The following FBXL17 variants were observed in gnomAD, a reference collection of about 807,000 sequenced individuals.
FBXL17 encodes F-box/LRR-repeat protein 17.
Under a neutral mutation model 66.2 loss-of-function variants are expected in FBXL17, and 22 were observed. The observed-to-expected ratio is 0.33, with a 90% confidence interval of 0.24 to 0.47. FBXL17 has a LOEUF of 0.47. Among genes scored for constraint, FBXL17 ranks in the 20% least tolerant of loss-of-function variants. The pLI is 1.00. For synonymous variants in FBXL17, 474 were observed against 400.5 expected, an observed-to-expected ratio of 1.18 and a Z score of -2.19; for missense variants, 878 against 948.2, an observed-to-expected ratio of 0.93 and a Z score of 0.97.
chr5:107,878,851 G>A, intron 8 of FBXL17: 1 of 985,504 alleles, frequency 1.0e-6, no homozygotes, highest in Middle Eastern at 5.2e-4. Flanking sequence ...GCAAGGCTGG[G>A]TCCAGCATCT....
intron 6 of FBXL17, among the ~76,000 whole-genome samples, chr5:108,129,360 A>C (rs1439066764): frequency 6.6e-6 from 1 of 152,078 alleles, no homozygotes; most frequent in Non-Finnish European, 1.5e-5. Context: ...ATGCATCTTC[A>C]AGCAGGGTTG....
chr5:107,870,638 T>C (rs1580668155), intron 8 of FBXL17, among the ~76,000 whole-genome samples: 1 of 150,434 alleles, frequency 6.6e-6, no homozygotes, highest in South Asian at 2.1e-4. Context: ...CAGGCTGGAG[T>C]GCAGCAGCTC....
At chr5:107,979,229 A>C (rs1246216518) in intron 7 of FBXL17, among the ~76,000 whole-genome samples, 2 of 152,216 alleles carry the variant, frequency 1.3e-5, no homozygotes, top group African/African-American at 4.8e-5. Context: ...ATACTGAAAC[A>C]ATTCCCACAG....
intron 7 of FBXL17, among the ~76,000 whole-genome samples, chr5:107,959,492 G>A (rs1402650622): frequency 6.6e-6 from 1 of 151,282 alleles, no homozygotes; most frequent in African/African-American, 2.4e-5. Flanking sequence ...CCTTCGCCTG[G>A]TTCTAATCAA....
intron 3 of FBXL17, among the ~76,000 whole-genome samples, chr5:108,356,609 A>C (rs1268166857): frequency 6.6e-6 from 1 of 152,124 alleles, no homozygotes; most frequent in East Asian, 1.9e-4. Flanking sequence ...GGAATCATAA[A>C]CATTCCAGAA....
At chr5:108,070,879 T>C (rs1748305627) in intron 6 of FBXL17, among the ~76,000 whole-genome samples, 1 of 152,208 alleles carries the variant, frequency 6.6e-6, no homozygotes, top group Non-Finnish European at 1.5e-5. Context: ...AATTTTAATT[T>C]GCAGCAGGAT....
chr5:108,075,043 G>T (rs538224249), intron 6 of FBXL17, among the ~76,000 whole-genome samples: 2 of 152,296 alleles, frequency 1.3e-5, no homozygotes, highest in African/African-American at 2.4e-5. Context: ...AGGATTCCGT[G>T]TAAAAGTGAA....
At chr5:108,380,143 C>T (rs7737226) in intron 1 of FBXL17, among the ~76,000 whole-genome samples, 10,309 of 152,090 alleles carry the variant, frequency 0.068, 1,199 homozygotes, top group African/African-American at 0.24. Context: ...GCCCACAGCA[C>T]GGAGAAATCA....
At chr5:108,092,465 G>C (rs1327281742) in intron 6 of FBXL17, among the ~76,000 whole-genome samples, 1 of 151,924 alleles carries the variant, frequency 6.6e-6, no homozygotes, top group Non-Finnish European at 1.5e-5. Flanking sequence ...ACAGGTACTT[G>C]CCACCACACC....
chr5:107,970,241 T>C (rs1297995820), intron 7 of FBXL17, among the ~76,000 whole-genome samples: 1 of 152,148 alleles, frequency 6.6e-6, no homozygotes, highest in Non-Finnish European at 1.5e-5. Flanking sequence ...TGGTTCTCTT[T>C]GTTACCAAAC....
intron 4 of FBXL17, among the ~76,000 whole-genome samples, chr5:108,227,616 G>C (rs1231053298): frequency 6.6e-6 from 1 of 152,122 alleles, no homozygotes; most frequent in Non-Finnish European, 1.5e-5. Flanking sequence ...ACAGATATTG[G>C]AAGAAAGAAG....
intron 7 of FBXL17, among the ~76,000 whole-genome samples, chr5:107,970,677 T>C (rs11242655): frequency 0.4 from 60,120 of 151,974 alleles, 12,144 homozygotes; most frequent in South Asian, 0.49. Flanking sequence ...TTTCCTGTGA[T>C]TTTTCCTTTG....
intron 6 of FBXL17, among the ~76,000 whole-genome samples, chr5:108,145,597 C>G (rs1341931734): frequency 1.3e-5 from 2 of 152,066 alleles, no homozygotes; most frequent in Non-Finnish European, 2.9e-5. Flanking sequence ...ATGGGGAAGT[C>G]AGGGATATGA....
chr5:108,057,896 C>G (rs1231626645), intron 6 of FBXL17, among the ~76,000 whole-genome samples: 1 of 152,158 alleles, frequency 6.6e-6, no homozygotes. Context: ...AATTACACAT[C>G]TGTTATTTCA....
intron 7 of FBXL17, among the ~76,000 whole-genome samples, chr5:107,896,370 T>C (rs993394480): frequency 1.3e-5 from 2 of 152,142 alleles, no homozygotes; most frequent in African/African-American, 4.8e-5. Flanking sequence ...TCACTTTCAG[T>C]GTGGCAGGAG....
chr5:108,071,473 T>A (rs1393147704), intron 6 of FBXL17, among the ~76,000 whole-genome samples: 1 of 152,210 alleles, frequency 6.6e-6, no homozygotes, highest in Non-Finnish European at 1.5e-5. Context: ...CTGAAGTGCA[T>A]GGATTCCTCT....
At chr5:107,902,508 TCC>T (rs1749602684) in intron 7 of FBXL17, among the ~76,000 whole-genome samples, 1 of 152,094 alleles carries the variant, frequency 6.6e-6, no homozygotes. Flanking sequence ...ACCACAGCAT[TCC>T]TTTATTAGGG....
chr5:108,035,846 C>A (rs1046263079), intron 6 of FBXL17, among the ~76,000 whole-genome samples: 2 of 152,180 alleles, frequency 1.3e-5, no homozygotes, highest in East Asian at 3.9e-4. Flanking sequence ...CTGATCCAAG[C>A]CAGATTAAAG....
At chr5:107,986,493 TGC>T (rs1753017299) in intron 7 of FBXL17, among the ~76,000 whole-genome samples, 1 of 151,724 alleles carries the variant, frequency 6.6e-6, no homozygotes, top group Admixed American at 6.6e-5. Flanking sequence ...AATGTAAGAT[TGC>T]AAGTATCTTA....
Sources: allele counts gnomAD v4.1 joint callset (sites outside exome capture counted in the v4.1 genomes callset), GRCh38; gene constraint gnomAD v4.1.1; transcripts MANE v1.5; gene names NCBI Gene and HGNC (gene_info 2026-07-23, HGNC 2026-07-21).